Variants in NCALD observed in about 807,000 individuals in gnomAD.
NCALD encodes neurocalcin delta.
In NCALD, 10 loss-of-function variants were observed where a neutral mutation model predicts 18.6. That is an observed-to-expected ratio of 0.54 (90% confidence interval 0.33 to 0.91). The LOEUF (loss-of-function observed/expected upper bound fraction) is 0.91, where lower values mean the gene tolerates loss of function less well. Ranked by LOEUF, NCALD falls within the 40% of genes least tolerant of loss-of-function variation. The pLI, the probability that NCALD is intolerant of heterozygous loss-of-function variation, is 0.03. For missense variants in NCALD, 184 were observed against 247.6 expected (o/e 0.74, Z 1.72); for synonymous variants, 88 against 87.4 (o/e 1.01, Z -0.04).
chr8:101,871,716 AC>A (rs1802976819), intron 4 of NCALD: 1 of 178,738 alleles, frequency 5.6e-6, no homozygotes, highest in Non-Finnish European at 1.2e-5. Context: ...AAGATTTGAA[AC>A]ATAATTTATA....
intron 2 of NCALD, among the ~76,000 whole-genome samples, chr8:102,004,302 C>T (rs893864014): frequency 2.0e-5 from 3 of 152,216 alleles, no homozygotes; most frequent in African/African-American, 7.2e-5. Flanking sequence ...GAATAAAATA[C>T]TTAGGAATCC....
chr8:101,801,049 A>C (rs574794034), intron 4 of NCALD, among the ~76,000 whole-genome samples: 134 of 151,940 alleles, frequency 8.8e-4, no homozygotes, highest in African/African-American at 3.0e-3. Context: ...AAAGGAAAGG[A>C]AAAAGGAAAA....
chr8:101,864,587 TC>T (rs1815683310), intron 4 of NCALD, among the ~76,000 whole-genome samples: 2 of 145,360 alleles, frequency 1.4e-5, no homozygotes, highest in African/African-American at 2.6e-5. Context: ...CAATTTTCTT[TC>T]CTTTCTTTTT....
At chr8:102,038,012 C>T (rs1449820495) in intron 1 of NCALD, among the ~76,000 whole-genome samples, 5 of 152,156 alleles carry the variant, frequency 3.3e-5, no homozygotes, top group African/African-American at 1.2e-4. Flanking sequence ...CCCTTTCACT[C>T]ATAAGTCATC....
chr8:101,686,819 A>C lies in NCALD; in HGVS notation c.*2490T>G, dbSNP rs1328395454. On this transcript the variant is annotated 3_prime_UTR_variant, in exon 4 of 4. Coordinates refer to ENST00000220931, the MANE Select transcript of NCALD (RefSeq NM_032041.3). ...TTGGGACAGAACAGGTTTTATTTCC[A>C]AAGGTCCCTGAACACAGCAATGACA... is the stretch of plus-strand genomic sequence containing the variant. 1 of 152,546 alleles carries C rather than the reference A, an allele frequency of 6.6e-6. No individual in the cohort carries two copies. The highest frequency in any genetic ancestry group is 6.6e-5 in the Admixed American group (1 of 15,264). The allele number at this position is 152,546 out of a possible 1,614,324, so 9.4% of individuals were successfully genotyped here.
At chr8:101,911,383 A>G (rs1157841880) in intron 3 of NCALD, among the ~76,000 whole-genome samples, 1 of 144,804 alleles carries the variant, frequency 6.9e-6, no homozygotes, top group Non-Finnish European at 1.5e-5. Flanking sequence ...TTTGAGACAG[A>G]GTCTCACTCT....
At chr8:101,936,324 T>G (rs961971123) in intron 2 of NCALD, among the ~76,000 whole-genome samples, 2 of 152,126 alleles carry the variant, frequency 1.3e-5, no homozygotes, top group African/African-American at 4.8e-5. Context: ...ATAATCATGG[T>G]TAGGACTTGT....
chr8:102,055,683 G>T (rs1257965075), intron 1 of NCALD, among the ~76,000 whole-genome samples: 1 of 152,132 alleles, frequency 6.6e-6, no homozygotes, highest in Non-Finnish European at 1.5e-5. Flanking sequence ...GTGGATATTT[G>T]TCAGTCATTA....
chr8:101,899,828 GTTTTC>G (rs532147342), intron 3 of NCALD, among the ~76,000 whole-genome samples: 5 of 151,784 alleles, frequency 3.3e-5, no homozygotes, highest in Admixed American at 6.5e-5. Context: ...TTAGTCTCTA[GTTTTC>G]TTTTATTGTG....
At position 101,766,871 on chromosome 8, in the gene NCALD, G is replaced by A. The variant is rs773565209; in HGVS notation, c.-20+23991C>T. Among the ~76,000 whole-genome samples, 25 of 152,252 alleles carry A rather than the reference G, an allele frequency of 1.6e-4. 1 individual carries two copies. The highest frequency in any genetic ancestry group is 3.4e-3 in the Middle Eastern group (1 of 294). On this transcript the variant is annotated intron_variant, in intron 1 of 3. Transcript: ENST00000220931. ...TGGGATTACAAGCGTAAGTCACTGC[G>A]CCTGGCCCCGCAAAGAAGTTTTAAA...
intron 1 of NCALD, among the ~76,000 whole-genome samples, chr8:101,778,059 C>T (rs1811865312): frequency 6.6e-6 from 1 of 152,152 alleles, no homozygotes; most frequent in African/African-American, 2.4e-5. Context: ...TTTCTACTCC[C>T]CTTTAAGATT....
intron 2 of NCALD, among the ~76,000 whole-genome samples, chr8:101,981,217 G>T (rs192749581): frequency 2.5e-4 from 38 of 152,176 alleles, no homozygotes; most frequent in African/African-American, 9.1e-4. Flanking sequence ...TTTCCTTAGT[G>T]CCTATTCTGA....
chr8:102,112,118 A>G (rs1336293865), intron 1 of NCALD, among the ~76,000 whole-genome samples: 1 of 152,232 alleles, frequency 6.6e-6, no homozygotes, highest in Non-Finnish European at 1.5e-5. Context: ...TATTTGTGAT[A>G]CCTTGTATGA....
At chr8:101,691,815 T>C (rs2129953874) in intron 3 of NCALD, 1 of 985,354 alleles carries the variant, frequency 1.0e-6, no homozygotes, top group Non-Finnish European at 1.2e-6. Context: ...CCTTCTGCTG[T>C]TCTATAGATC....
intron 2 of NCALD, among the ~76,000 whole-genome samples, chr8:101,993,868 A>T (rs930379536): frequency 1.4e-4 from 22 of 152,226 alleles, no homozygotes; most frequent in African/African-American, 4.8e-4. Context: ...CAGTTTCTTC[A>T]TCTATACAAC....
At chr8:102,028,792 G>T (rs948884706) in intron 1 of NCALD, among the ~76,000 whole-genome samples, 4 of 152,172 alleles carry the variant, frequency 2.6e-5, no homozygotes, top group African/African-American at 9.7e-5. Context: ...TATTCCAAAG[G>T]TGACCATTTA....
intron 4 of NCALD, among the ~76,000 whole-genome samples, chr8:101,880,131 G>A (rs532984477): frequency 3.9e-5 from 6 of 152,290 alleles, no homozygotes; most frequent in African/African-American, 1.2e-4. Flanking sequence ...TGCAGGTCCC[G>A]AGCCCTGCCC....
At chr8:101,831,438 A>T (rs998149802) in intron 4 of NCALD, among the ~76,000 whole-genome samples, 2 of 152,188 alleles carry the variant, frequency 1.3e-5, no homozygotes, top group Non-Finnish European at 2.9e-5. Context: ...TCTCCAATTC[A>T]CTGGTGAATC....
chr8:101,751,160 T>TA (rs1810639707), intron 1 of NCALD, among the ~76,000 whole-genome samples: 3 of 152,120 alleles, frequency 2.0e-5, no homozygotes, highest in Non-Finnish European at 4.4e-5. Flanking sequence ...TATCCAGCCT[T>TA]AAAAAATGAA....
Sources: allele counts gnomAD v4.1 joint callset (sites outside exome capture counted in the v4.1 genomes callset), GRCh38; gene constraint gnomAD v4.1.1; transcripts MANE v1.5; gene names NCBI Gene and HGNC (gene_info 2026-07-23, HGNC 2026-07-21).